HEATR5A: variants seen among roughly 807,000 people sequenced by gnomAD.
The protein encoded by HEATR5A is HEAT repeat containing 5A, also known as HEAT repeat-containing protein 5A.
HEATR5A carries 178 observed loss-of-function variants against 218.8 expected under a neutral mutation model. The ratio of observed to expected loss-of-function variants is 0.81; its 90% CI spans 0.72 to 0.92. The LOEUF is 0.92. Ranked by LOEUF, HEATR5A falls within the 40% of genes least tolerant of loss-of-function variation. The pLI is 0.00. For missense variants in HEATR5A, 2,420 were observed against 2,418.9 expected, an observed-to-expected ratio of 1.00 and a Z score of -0.01; for synonymous variants, 864 against 871.6, an observed-to-expected ratio of 0.99 and a Z score of 0.15.
intron 23 of HEATR5A, among the ~76,000 whole-genome samples, chr14:31,325,354 C>CT (rs1275699216): frequency 6.6e-6 from 1 of 152,022 alleles, no homozygotes; most frequent in Non-Finnish European, 1.5e-5. Flanking sequence ...TTTTCTAATA[C>CT]TACTTGAAAT....
At chr14:31,295,013 T>C (rs1044821709) in intron 34 of HEATR5A, among the ~76,000 whole-genome samples, 1 of 152,146 alleles carries the variant, frequency 6.6e-6, no homozygotes, top group Non-Finnish European at 1.5e-5. Flanking sequence ...TAAACTTTTA[T>C]TGAGTTAACT....
chr14:31,309,275 C>G, intron 28 of HEATR5A, 93 bp from the exon 29 acceptor site: 1 of 1,389,044 alleles, frequency 7.2e-7, no homozygotes, highest in Non-Finnish European at 9.8e-7. Flanking sequence ...TCCATCACTC[C>G]GAAAGTTCCC....
intron 28 of HEATR5A, among the ~76,000 whole-genome samples, chr14:31,311,486 C>T (rs1181706185): frequency 6.6e-6 from 1 of 151,714 alleles, no homozygotes; most frequent in East Asian, 1.9e-4. Context: ...ATGATAGCTG[C>T]CTGCAGCCTC....
rs1249493702 is a variant in HEATR5A at position 31,383,519 on chromosome 14, A to G, written c.1596+2T>C. On this transcript the variant is annotated splice_donor_variant, in intron 10 of 35. Transcript: ENST00000543095. LOFTEE classifies it high-confidence loss of function. ...ATCATACATAGAGAATGAAATCATT[A>G]CCTTGCCTTTTCCATGAGGAATTCC... is the stretch of plus-strand genomic sequence containing the variant. 6.2e-7 allele frequency: 1 copy of G among 1,610,030 alleles called. No individual in the cohort carries two copies. The highest frequency in any genetic ancestry group is 8.5e-7 in the Non-Finnish European group (1 of 1,176,854).
intron 16 of HEATR5A, among the ~76,000 whole-genome samples, chr14:31,353,553 T>C (rs1049975840): frequency 6.6e-6 from 1 of 151,986 alleles, no homozygotes; most frequent in African/African-American, 2.4e-5. Context: ...CTAGGCAACA[T>C]AGTGAGACCT....
In HEATR5A at chr14:31,349,875, A is replaced by ACC; in HGVS notation, c.2621_2622insGG (p.Cys874TrpfsTer11). ...ATCTAGCCCATGACTCTGCAGCTGC[A>ACC]CATCTCAGCAAGGGGTTGGGGCTTT... On this transcript the variant is annotated frameshift_variant, in exon 18 of 36. Transcript: ENST00000543095. LOFTEE classifies it high-confidence loss of function. The ACC allele has an allele frequency of 6.2e-7, 1 of 1,612,506 alleles. No homozygotes were observed. The highest frequency in any genetic ancestry group is 8.5e-7 in the Non-Finnish European group (1 of 1,178,770).
intron 1 of HEATR5A, among the ~76,000 whole-genome samples, chr14:31,411,085 A>C (rs996840544): frequency 6.6e-6 from 1 of 152,188 alleles, no homozygotes; most frequent in Non-Finnish European, 1.5e-5. Flanking sequence ...CCAATGCTGA[A>C]ATTTTAGAAA....
intron 22 of HEATR5A, among the ~76,000 whole-genome samples, chr14:31,332,210 TTTGA>T (rs1407901286): frequency 3.3e-5 from 5 of 152,220 alleles, no homozygotes; most frequent in East Asian, 3.8e-4. Flanking sequence ...ATCAGTGATC[TTTGA>T]TTGGTGATCT....
chr14:31,364,605 G>C (rs1228690204), intron 13 of HEATR5A, among the ~76,000 whole-genome samples: 1 of 151,914 alleles, frequency 6.6e-6, no homozygotes, highest in Non-Finnish European at 1.5e-5. Context: ...TTGTATTTTT[G>C]GTACAGATGG....
In HEATR5A at chr14:31,313,181, T is replaced by A. The variant is rs1899811209; in HGVS notation, c.4228A>T (p.Ile1410Phe). ...TGGTTTTTATGTCTTTGCACAGCAATTATGTAGACCTGTTAAAGGTTAATT... is the reference window on the plus strand; with the variant it reads ...TGGTTTTTATGTCTTTGCACAGCAAATATGTAGACCTGTTAAAGGTTAATT... ...VLKAWAEVYI[I>F]AVQRHKNHRQ... is the part of the protein sequence containing the mutation. The change falls in exon 28 of 36, where the codon ATT becomes TTT. Residue 1410 changes from isoleucine to phenylalanine, a missense_variant. Coordinates refer to ENST00000543095, the MANE Select transcript of HEATR5A (RefSeq NM_015473.4). The A allele has an allele frequency of 6.2e-7, 1 of 1,611,102 alleles. No individual in the cohort carries two copies. Among genetic ancestry groups the A allele is most frequent in the African/African-American group, 1.3e-5 (1 of 74,890 alleles).
intron 13 of HEATR5A, among the ~76,000 whole-genome samples, chr14:31,369,255 G>A (rs1901926633): frequency 6.6e-6 from 1 of 152,044 alleles, no homozygotes; most frequent in Non-Finnish European, 1.5e-5. Context: ...GCCTGGGGCT[G>A]CAGTGAACCA....
chr14:31,406,284 C>T (rs565347900), intron 1 of HEATR5A, among the ~76,000 whole-genome samples: 13 of 152,176 alleles, frequency 8.5e-5, no homozygotes, highest in African/African-American at 3.1e-4. Context: ...ACACATATGT[C>T]AATATATTTA....
At chr14:31,338,994 T>TCACAC (rs1248091116) in intron 21 of HEATR5A, among the ~76,000 whole-genome samples, 150 of 150,334 alleles carry the variant, frequency 1.0e-3, no homozygotes, top group Middle Eastern at 3.5e-3. Context: ...GTGGCAGGTG[T>TCACAC]CTGTAATCCC....
chr14:31,326,435 T>C lies in HEATR5A; in HGVS notation c.3368-93A>G, dbSNP rs565712790. ...ATTCAGTAGTTATTCAAATAGTAGA[T>C]AAAAATACATCTTAAAGAACTAGCC... On this transcript the variant is annotated intron_variant, in intron 22 of 35. Transcript: ENST00000543095. 5.7e-6 allele frequency: 5 copies of C among 882,340 alleles called. 1 individual carries two copies. In the African/African-American group the frequency reaches 8.4e-5, roughly 15 times the overall value. The allele number at this position is 882,340 out of a possible 1,614,324, so 54.7% of individuals were successfully genotyped here.
intron 20 of HEATR5A, among the ~76,000 whole-genome samples, chr14:31,344,268 C>CTTTTTTTTCTTTTTTTTT (rs1900943037): frequency 2.0e-5 from 1 of 50,812 alleles, no homozygotes; most frequent in Non-Finnish European, 3.7e-5. Flanking sequence ...ATTAGTTATT[C>CTTTTTTTTCTTTTTTTTT]TTTTTTTTTT....
At position 31,353,801 on chromosome 14, in the gene HEATR5A, A is replaced by T. The variant is rs116176180; in HGVS notation, c.2412-3084T>A. Reference sequence around the variant, plus strand: ...CATTGTTTAAGTCCATATTTAAGGCATTTTTTGTTTTTTTTTGAGATGGAG... The same window carrying T: ...CATTGTTTAAGTCCATATTTAAGGCTTTTTTTGTTTTTTTTTGAGATGGAG... On this transcript the variant is annotated intron_variant, in intron 16 of 35. Transcript: ENST00000543095. Among the ~76,000 whole-genome samples the T allele has an allele frequency of 5.8e-3, 842 of 145,148 alleles. 9 individuals are homozygous for T. Among genetic ancestry groups the T allele is most frequent in the African/African-American group, 0.019 (785 of 40,694 alleles).
intron 28 of HEATR5A, among the ~76,000 whole-genome samples, chr14:31,310,616 G>C (rs1325931368): frequency 2.6e-5 from 4 of 151,718 alleles, no homozygotes; most frequent in Non-Finnish European, 5.9e-5. Flanking sequence ...CTCCAGAATG[G>C]GCCACAGAGC....
intron 22 of HEATR5A, among the ~76,000 whole-genome samples, chr14:31,329,106 C>T (rs1900373752): frequency 6.6e-6 from 1 of 152,010 alleles, no homozygotes; most frequent in African/African-American, 2.4e-5. Context: ...GGAAACTGTC[C>T]CCATGATCCA....
intron 1 of HEATR5A, among the ~76,000 whole-genome samples, chr14:31,408,265 T>C (rs1000726059): frequency 6.6e-6 from 1 of 152,216 alleles, no homozygotes; most frequent in African/African-American, 2.4e-5. Context: ...CAACAGATTA[T>C]GAAGCATATT....
Sources: gnomAD v4.1 joint callset for allele counts (sites outside exome capture counted in the v4.1 genomes callset) on GRCh38, gnomAD v4.1.1 for gene constraint, MANE v1.5 for transcripts, NCBI Gene and HGNC (gene_info 2026-07-23, HGNC 2026-07-21) for gene names.